AFF2: variants seen among roughly 807,000 people sequenced by gnomAD.
The protein encoded by AFF2 is ALF transcription elongation factor 2.
In AFF2, 14 loss-of-function variants were observed where a neutral mutation model predicts 76.9. That is an observed-to-expected ratio of 0.18 (90% CI 0.12 to 0.28). AFF2 has a LOEUF of 0.28. Ranked by LOEUF, AFF2 falls within the 10% of genes least tolerant of loss-of-function variation. The probability of loss-of-function intolerance (pLI) is 1.00; values close to 1 mark genes in which losing one functional copy is unlikely to be tolerated. For missense variants in AFF2, 868 were observed against 1,001.1 expected, an observed-to-expected ratio of 0.87 and a Z score of 1.79; for synonymous variants, 398 against 366.7, an observed-to-expected ratio of 1.09 and a Z score of -0.98.
intron 9 of AFF2, among the ~76,000 whole-genome samples, chrX:148,949,048 C>G (rs1464943540): frequency 9.0e-6 from 1 of 110,847 alleles, no homozygotes; most frequent in African/African-American, 3.3e-5. Context: ...AGAACAAGCC[C>G]ACTCTTTCCC....
intron 4 of AFF2, among the ~76,000 whole-genome samples, chrX:148,818,366 T>G (rs923486003): frequency 9.0e-6 from 1 of 111,692 alleles, no homozygotes; most frequent in Non-Finnish European, 1.9e-5. Flanking sequence ...TGAATTGATG[T>G]AACAAGAATT....
chrX:148,509,390 G>A (rs1361327875), intron 1 of AFF2, among the ~76,000 whole-genome samples: 1 of 111,491 alleles, frequency 9.0e-6, no homozygotes, highest in Non-Finnish European at 1.9e-5. Context: ...TGAATTATCT[G>A]GTTTGACAGT....
intron 1 of AFF2, among the ~76,000 whole-genome samples, chrX:148,624,254 C>G (rs782192288): frequency 9.0e-6 from 1 of 111,455 alleles, no homozygotes; most frequent in Non-Finnish European, 1.9e-5. Context: ...TTATTCTGAA[C>G]TCCTCTCCTT....
chrX:148,545,125 C>A (rs578242274), intron 1 of AFF2, among the ~76,000 whole-genome samples: 1 of 111,723 alleles, frequency 9.0e-6, no homozygotes, highest in East Asian at 2.8e-4. Flanking sequence ...TGAAATTGTT[C>A]TAGCTGTAGC....
intron 2 of AFF2, among the ~76,000 whole-genome samples, chrX:148,655,007 G>A (rs1340923689): frequency 3.6e-5 from 4 of 111,266 alleles, no homozygotes; most frequent in Non-Finnish European, 7.5e-5. Flanking sequence ...AAGTCACGAT[G>A]AATTGATGGT....
At chrX:148,794,735 T>C (rs2069944376) in intron 3 of AFF2, among the ~76,000 whole-genome samples, 1 of 111,665 alleles carries the variant, frequency 9.0e-6, no homozygotes, top group Non-Finnish European at 1.9e-5. Flanking sequence ...ATTTACCATA[T>C]AACAGGGATA....
chrX:148,970,182 GC>G (rs2124394092), intron 15 of AFF2, among the ~76,000 whole-genome samples: 1 of 112,139 alleles, frequency 8.9e-6, no homozygotes, highest in South Asian at 3.7e-4. Context: ...CACAAAATCC[GC>G]TTGAATTTGA....
chrX:148,961,885 C>G (rs1000593671), intron 12 of AFF2, among the ~76,000 whole-genome samples: 7 of 112,542 alleles, frequency 6.2e-5, no homozygotes, highest in African/African-American at 2.3e-4. Flanking sequence ...AAGACAGTAA[C>G]TAAAATGAAA....
intron 1 of AFF2, among the ~76,000 whole-genome samples, chrX:148,542,342 G>GT (rs2052868259): frequency 9.2e-6 from 1 of 108,672 alleles, no homozygotes; most frequent in African/African-American, 3.3e-5. Context: ...AGTTAGGACA[G>GT]TTTTTTCTTG....
At chrX:148,612,827 A>G (rs1287696151) in intron 1 of AFF2, among the ~76,000 whole-genome samples, 1 of 112,164 alleles carries the variant, frequency 8.9e-6, no homozygotes, top group Non-Finnish European at 1.9e-5. Flanking sequence ...TCATGAAGTC[A>G]TTCTTTGGTT....
chrX:148,622,728 T>C (rs2053882100), intron 1 of AFF2, among the ~76,000 whole-genome samples: 1 of 111,404 alleles, frequency 9.0e-6, no homozygotes, highest in South Asian at 3.7e-4. Flanking sequence ...TACAATGTAG[T>C]AGGGAGTCAA....
Position 148,662,782 on chromosome X carries a change from A to G in AFF2, c.1041+14A>G. On this transcript the variant is annotated intron_variant, in intron 3 of 20. Transcript: ENST00000370460. ...CAAACAAGTGAAGTAAGTAATTTTT[A>G]AAGTTTTGTTTGGTTTCACTTTTTT... 1.7e-6 allele frequency: 2 copies of G among 1,198,534 alleles called. No individual in the cohort carries two copies. The highest frequency in any genetic ancestry group is 2.2e-6 in the Non-Finnish European group (2 of 889,211).
intron 1 of AFF2, among the ~76,000 whole-genome samples, chrX:148,508,628 G>A (rs1337706466): frequency 9.0e-6 from 1 of 111,495 alleles, no homozygotes; most frequent in East Asian, 2.8e-4. Context: ...AATTACGTAG[G>A]CTTTATTTCC....
intron 1 of AFF2, among the ~76,000 whole-genome samples, chrX:148,587,000 C>T (rs2053475865): frequency 9.0e-6 from 1 of 111,434 alleles, no homozygotes; most frequent in Admixed American, 9.6e-5. Context: ...TGAAATTGGA[C>T]ACATTCTAGG....
chrX:148,686,152 A>G (rs143039681), intron 3 of AFF2, among the ~76,000 whole-genome samples: 2,953 of 112,001 alleles, frequency 0.026, 53 homozygotes, highest in South Asian at 0.044. Flanking sequence ...TGAATCTGTG[A>G]GAACTAATAA....
At chrX:148,726,048 A>G (rs1157402798) in intron 3 of AFF2, among the ~76,000 whole-genome samples, 2 of 111,679 alleles carry the variant, frequency 1.8e-5, no homozygotes, top group East Asian at 5.6e-4. Context: ...GTGGAACTTA[A>G]CATGCAGTCA....
intron 9 of AFF2, among the ~76,000 whole-genome samples, chrX:148,904,677 G>A (rs899108646): frequency 8.9e-6 from 1 of 112,006 alleles, no homozygotes; most frequent in Non-Finnish European, 1.9e-5. Flanking sequence ...GGGAGGTTTG[G>A]CACCTTGGCA....
chrX:148,648,561 C>CAA (rs1241628949), intron 1 of AFF2, among the ~76,000 whole-genome samples: 40 of 22,995 alleles, frequency 1.7e-3, no homozygotes, highest in Middle Eastern at 0.029. Context: ...AAAACTCCGT[C>CAA]AAAAAAAAAA....
intron 3 of AFF2, among the ~76,000 whole-genome samples, chrX:148,747,468 C>A (rs1557266159): frequency 8.9e-6 from 1 of 111,878 alleles, no homozygotes; most frequent in Admixed American, 9.5e-5. Flanking sequence ...GGAAGTAACA[C>A]AATTTGAATC....
Sources: allele counts gnomAD v4.1 joint callset (sites outside exome capture counted in the v4.1 genomes callset), GRCh38; gene constraint gnomAD v4.1.1; transcripts MANE v1.5; gene names NCBI Gene and HGNC (gene_info 2026-07-23, HGNC 2026-07-21).